Variants in FNIP2 observed in about 807,000 individuals in gnomAD.
FNIP2 encodes folliculin interacting protein 2.
FNIP2 carries 32 observed loss-of-function variants against 108.7 expected under a neutral mutation model. The observed-to-expected ratio is 0.29, with a 90% CI of 0.22 to 0.40. The LOEUF (loss-of-function observed/expected upper bound fraction) is 0.40, where lower values mean the gene tolerates loss of function less well. Among genes scored for constraint, FNIP2 ranks in the 10% least tolerant of loss-of-function variants. FNIP2 has a pLI of 1.00. For missense variants in FNIP2, 1,202 were observed against 1,381.6 expected, an observed-to-expected ratio of 0.87 and a Z score of 2.06; for synonymous variants, 480 against 496.7, an observed-to-expected ratio of 0.97 and a Z score of 0.45.
At chr4:158,786,129 C>T (rs1776217119) in intron 1 of FNIP2, among the ~76,000 whole-genome samples, 1 of 152,182 alleles carries the variant, frequency 6.6e-6, no homozygotes, top group African/African-American at 2.4e-5. Flanking sequence ...ACTATTAGTG[C>T]CATCATCTAC....
At chr4:158,811,968 G>C (rs1308849678) in intron 1 of FNIP2, among the ~76,000 whole-genome samples, 1 of 152,218 alleles carries the variant, frequency 6.6e-6, no homozygotes, top group Admixed American at 6.5e-5. Context: ...AACATGCCTG[G>C]TGTGCATCCT....
chr4:158,866,322 G>A lies in FNIP2; in HGVS notation c.1466-1780G>A, dbSNP rs186276530. Among the ~76,000 whole-genome samples, 403 of 125,844 alleles carry A rather than the reference G, an allele frequency of 3.2e-3. 3 individuals carry two copies. The highest frequency in any genetic ancestry group is 0.011 in the African/African-American group (378 of 34,124). 82.6% of individuals were successfully genotyped at this position (125,844 alleles called of 152,430 possible). On this transcript the variant is annotated intron_variant, in intron 12 of 16. Transcript: ENST00000264433. ...CAACCTCTGCCTCCCGGGCTCAAGCGATTCTCCTGCCTCAGCCTCCCGAGT... is the reference window on the plus strand; with the variant it reads ...CAACCTCTGCCTCCCGGGCTCAAGCAATTCTCCTGCCTCAGCCTCCCGAGT...
chr4:158,826,056 A>G lies in FNIP2; in HGVS notation c.234+14A>G, dbSNP rs1578872153. On this transcript the variant is annotated intron_variant, in intron 2 of 16. Transcript: ENST00000264433. ...GTGACAGCTCAGGTATGAAATGCTG[A>G]TTTGCTTTCTCCTTTTCTTTTGTGC... is the stretch of plus-strand genomic sequence containing the variant. 1 of 1,601,704 alleles carries G rather than the reference A, an allele frequency of 6.2e-7. No individual in the cohort carries two copies. Among genetic ancestry groups the G allele is most frequent in the East Asian group, 2.2e-5 (1 of 44,502 alleles).
intron 1 of FNIP2, among the ~76,000 whole-genome samples, chr4:158,783,732 T>C (rs926745656): frequency 4.6e-5 from 7 of 152,198 alleles, no homozygotes; most frequent in Middle Eastern, 3.2e-3. Context: ...ACTGCATTGC[T>C]CTAGGCTCTA....
At chr4:158,805,695 C>T (rs1776923092) in intron 1 of FNIP2, among the ~76,000 whole-genome samples, 1 of 152,208 alleles carries the variant, frequency 6.6e-6, no homozygotes, top group Admixed American at 6.5e-5. Flanking sequence ...CTGACACTGG[C>T]TCACATGAGA....
In FNIP2 at chr4:158,869,298, C is replaced by T; in HGVS notation, c.2662C>T (p.Pro888Ser). The part of the protein sequence containing the change: ...KANFRTEGDI[P>S]RNESSDSALG... ...CAACTTCAGGACTGAAGGAGACATT[C>T]CCCGAAATGAAAGCTCAGATAGCGC... The change falls in exon 13 of 17, where the codon CCC (proline) becomes TCC (serine). Residue 888 changes from proline to serine, a missense_variant. Coordinates refer to ENST00000264433, the MANE Select transcript of FNIP2 (RefSeq NM_020840.3). 6.2e-7 allele frequency: 1 copy of T among 1,613,872 alleles called. No individual in the cohort carries two copies. The highest frequency in any genetic ancestry group is 8.5e-7 in the Non-Finnish European group (1 of 1,179,852).
At chr4:158,816,241 T>C (rs929957020) in intron 1 of FNIP2, among the ~76,000 whole-genome samples, 2 of 152,200 alleles carry the variant, frequency 1.3e-5, no homozygotes, top group African/African-American at 4.8e-5. Flanking sequence ...ATGGAAGTAT[T>C]ACCTTATCTG....
intron 1 of FNIP2, among the ~76,000 whole-genome samples, chr4:158,812,935 C>T (rs1302733449): frequency 9.9e-5 from 15 of 151,704 alleles, no homozygotes; most frequent in Non-Finnish European, 2.2e-4. Flanking sequence ...TGTCTTTTTA[C>T]TGTCTCCATA....
At chr4:158,851,296 T>C in intron 7 of FNIP2, 25 bp from the exon 8 acceptor site, 1 of 1,613,624 alleles carries the variant, frequency 6.2e-7, no homozygotes, top group Non-Finnish European at 8.5e-7. Context: ...GACCTCAACT[T>C]TCAAATTCCA....
intron 15 of FNIP2, chr4:158,893,490 A>AGTT: frequency 1.9e-6 from 1 of 521,564 alleles, no homozygotes; most frequent in South Asian, 3.1e-5. Context: ...AATAACAATT[A>AGTT]GTTTCATGAA....
At chr4:158,884,289 A>T (rs762104564) in intron 14 of FNIP2, among the ~76,000 whole-genome samples, 3 of 152,242 alleles carry the variant, frequency 2.0e-5, no homozygotes, top group Non-Finnish European at 4.4e-5. Context: ...GATATTTTGC[A>T]CATGCCCAGC....
intron 1 of FNIP2, among the ~76,000 whole-genome samples, chr4:158,811,562 T>C (rs1460751879): frequency 6.6e-6 from 1 of 151,954 alleles, no homozygotes; most frequent in East Asian, 1.9e-4. Flanking sequence ...TAATTAATAA[T>C]AATAATGATG....
intron 1 of FNIP2, among the ~76,000 whole-genome samples, chr4:158,800,220 G>A (rs185572688): frequency 7.3e-4 from 111 of 152,208 alleles, no homozygotes; most frequent in African/African-American, 2.4e-3. Flanking sequence ...TCAAAAAAAC[G>A]TATAATATGT....
chr4:158,871,324 G>T (rs954785522), intron 14 of FNIP2: 4 of 929,234 alleles, frequency 4.3e-6, no homozygotes, highest in Non-Finnish European at 3.9e-6. Flanking sequence ...GAAACATTTT[G>T]TATCTTGTGC....
intron 1 of FNIP2, among the ~76,000 whole-genome samples, chr4:158,809,808 G>T (rs1049257445): frequency 5.3e-5 from 8 of 152,148 alleles, no homozygotes; most frequent in Non-Finnish European, 7.4e-5. Flanking sequence ...GAATTCAGAA[G>T]AAATTCTCTG....
chr4:158,863,731 G>T (rs1418373113), intron 12 of FNIP2, among the ~76,000 whole-genome samples: 1 of 152,206 alleles, frequency 6.6e-6, no homozygotes, highest in Non-Finnish European at 1.5e-5. Flanking sequence ...CATTGAGGTT[G>T]CAGTATAAAA....
chr4:158,781,122 G>A (rs1776032189), intron 1 of FNIP2, among the ~76,000 whole-genome samples: 1 of 151,964 alleles, frequency 6.6e-6, no homozygotes. Context: ...TATATATGAT[G>A]TGTGAAAAAC....
At chr4:158,888,157 T>G (rs1782115717) in intron 14 of FNIP2, among the ~76,000 whole-genome samples, 1 of 152,258 alleles carries the variant, frequency 6.6e-6, no homozygotes. Context: ...TAAAAGGTGT[T>G]TATTCTTTAG....
chr4:158,769,554 A>T lies in FNIP2; in HGVS notation c.107+235A>T, dbSNP rs188305365. 6.7e-3 allele frequency among the ~76,000 whole-genome samples: 1,017 copies of T among 151,940 alleles called. 6 individuals carry two copies. Among genetic ancestry groups the T allele is most frequent in the South Asian group, 0.014 (65 of 4,806 alleles). On this transcript the variant is annotated intron_variant, in intron 1 of 16. Coordinates refer to ENST00000264433, the MANE Select transcript of FNIP2 (RefSeq NM_020840.3). ...AACTCAGGGTCCTTCCCCATTTCAG[A>T]GTTCTCTTGTGTTCCTTGGGGTTCC...
Sources: allele counts gnomAD v4.1 joint callset (sites outside exome capture counted in the v4.1 genomes callset), GRCh38; gene constraint gnomAD v4.1.1; transcripts MANE v1.5; gene names NCBI Gene and HGNC (gene_info 2026-07-23, HGNC 2026-07-21).